PCDHGA5: variants seen among roughly 807,000 people sequenced by gnomAD.
PCDHGA5 encodes the protein protocadherin gamma subfamily A, 5, also known as protocadherin gamma-A5.
PCDHGA5 carries 36 observed loss-of-function variants against 56.7 expected under a neutral mutation model. The observed-to-expected ratio is 0.64, with a 90% confidence interval of 0.49 to 0.84. PCDHGA5 has a LOEUF of 0.84. Ranked by LOEUF, PCDHGA5 falls within the 40% of genes least tolerant of loss-of-function variation. The pLI is 0.00. For synonymous variants in PCDHGA5, 563 were observed against 520.2 expected, an observed-to-expected ratio of 1.08 and a Z score of -1.12; for missense variants, 1,305 against 1,201.5, an observed-to-expected ratio of 1.09 and a Z score of -1.27.
intron 1 of PCDHGA5, chr5:141,387,595 A>C (rs191053839): frequency 6.0e-5 from 32 of 532,776 alleles, no homozygotes; most frequent in Admixed American, 2.6e-4. Flanking sequence ...AACTTGAAGC[A>C]GCAGAGGCTG....
At chr5:141,482,530 CAAAAAAA>C (rs3074545) in intron 1 of PCDHGA5, among the ~76,000 whole-genome samples, 2 of 76,560 alleles carry the variant, frequency 2.6e-5, no homozygotes, top group South Asian at 4.6e-4. Flanking sequence ...GACAGACATG[CAAAAAAA>C]AAAAAAAAAA....
chr5:141,432,369 A>G lies in PCDHGA5; in HGVS notation c.2422-62438A>G. 6.2e-7 allele frequency: 1 copy of G among 1,614,222 alleles called. No homozygotes were observed. The highest frequency in any genetic ancestry group is 1.1e-5 in the South Asian group (1 of 91,084). ...CAAGTGAAAGTGATGGCGCGGGACA[A>G]CGGGCACCCGCCCCTCAGCAGCAAC... On this transcript the variant is annotated intron_variant, in intron 1 of 3. Coordinates refer to ENST00000518069, the MANE Select transcript of PCDHGA5 (RefSeq NM_018918.3). The surrounding 1 kb of genome is among the most constrained non-coding windows in gnomAD (Gnocchi z 6.0).
chr5:141,408,909 A>G lies in PCDHGA5; in HGVS notation c.2421+42158A>G, dbSNP rs746399377. On this transcript the variant is annotated intron_variant, in intron 1 of 3. Transcript: ENST00000518069. ...ATAGAAATTTCTGTCAAGGATACCA[A>G]TGATAACCCCCCGGTTTTCAGCAGA... 1.3e-5 allele frequency: 21 copies of G among 1,613,442 alleles called. No individual in the cohort carries two copies. In the East Asian group the frequency reaches 2.5e-4, roughly 19 times the overall value.
Position 141,371,593 on chromosome 5 carries a change from A to C in PCDHGA5, c.2421+4842A>C, listed in dbSNP as rs758082937. The C allele has an allele frequency of 1.2e-6, 2 of 1,613,972 alleles. No individual in the cohort carries two copies. The highest frequency in any genetic ancestry group is 1.7e-6 in the Non-Finnish European group (2 of 1,179,876). The stretch of plus-strand genomic sequence containing the variant: ...TTTAAAATCGTTCAAGATACCAAAA[A>C]CACATACAGGTTGGTGACAGATGGA... On this transcript the variant is annotated intron_variant, in intron 1 of 3. Coordinates refer to ENST00000518069, the MANE Select transcript of PCDHGA5 (RefSeq NM_018918.3).
chr5:141,505,590 A>G, intron 3 of PCDHGA5, 109 bp downstream of exon 3: 1 of 1,571,996 alleles, frequency 6.4e-7, no homozygotes, highest in East Asian at 2.3e-5. Context: ...TAGTTTCTCC[A>G]GATCTTTCGG....
At chr5:141,426,955 C>T (rs1380917458) in intron 1 of PCDHGA5, 3 of 456,658 alleles carry the variant, frequency 6.6e-6, no homozygotes, top group South Asian at 1.5e-5. Flanking sequence ...ACTGGCACTG[C>T]TGCAATTCAA....
intron 1 of PCDHGA5, chr5:141,384,805 G>T (rs1314252403): frequency 6.2e-7 from 1 of 1,613,506 alleles, no homozygotes; most frequent in Admixed American, 1.7e-5. Context: ...GCTGGACAGA[G>T]ATGCCCTCAA....
chr5:141,447,824 G>T (rs926580893), intron 1 of PCDHGA5, among the ~76,000 whole-genome samples: 2 of 152,034 alleles, frequency 1.3e-5, no homozygotes, highest in Non-Finnish European at 2.9e-5. Context: ...GGTGGCTCAC[G>T]CCTGTAATCC....
rs781026604 is a variant in PCDHGA5, at chr5:141,490,471, C to A, written c.2422-4336C>A. The A allele has an allele frequency of 6.2e-7, 1 of 1,614,214 alleles. No individual in the cohort carries two copies. The highest frequency in any genetic ancestry group is 1.1e-5 in the South Asian group (1 of 91,088). On this transcript the variant is annotated intron_variant, in intron 1 of 3. Transcript: ENST00000518069. This position sits in a 1 kb window ranked among gnomAD's most constrained non-coding sequence, Gnocchi z 5.4. ...CCACTACTCGCTGCTAACCAGCCAGCCTTTGGACCGGGAGGCCACATCCCA... is the reference window on the plus strand; with the variant it reads ...CCACTACTCGCTGCTAACCAGCCAGACTTTGGACCGGGAGGCCACATCCCA...
intron 2 of PCDHGA5, among the ~76,000 whole-genome samples, chr5:141,501,057 C>T (rs185929124): frequency 9.7e-4 from 147 of 151,960 alleles, no homozygotes; most frequent in African/African-American, 3.4e-3. Context: ...TTAGTAGAGA[C>T]GGGGTTTCAC....
chr5:141,403,582 G>A (rs973617374), intron 1 of PCDHGA5: 1 of 1,613,910 alleles, frequency 6.2e-7, no homozygotes, highest in Non-Finnish European at 8.5e-7. Flanking sequence ...CCCACCACCT[G>A]GTCCTCACGG....
intron 1 of PCDHGA5, chr5:141,426,796 T>C (rs1053668481): frequency 8.8e-6 from 4 of 456,720 alleles, no homozygotes. Context: ...AGTTACCAGC[T>C]CAGTTCTAAT....
intron 1 of PCDHGA5, chr5:141,422,988 C>T: frequency 6.2e-7 from 1 of 1,614,232 alleles, no homozygotes; most frequent in Non-Finnish European, 8.5e-7. Context: ...AACCTGGCTA[C>T]CTGGTGACCA....
At chr5:141,497,742 T>C (rs2099779149) in intron 2 of PCDHGA5, among the ~76,000 whole-genome samples, 1 of 152,128 alleles carries the variant, frequency 6.6e-6, no homozygotes, top group South Asian at 2.1e-4. Context: ...TTTCGCCACG[T>C]TGGCCAGGCT....
At chr5:141,411,556 C>A (rs2095498108) in intron 1 of PCDHGA5, 1 of 152,200 alleles carries the variant, frequency 6.6e-6, no homozygotes, top group Non-Finnish European at 1.5e-5. Context: ...TGCACTCCAG[C>A]CTGGGCGACA....
rs368231432 is a variant in PCDHGA5 at position 141,374,734 on chromosome 5, C to T, written c.2421+7983C>T. On this transcript the variant is annotated intron_variant, in intron 1 of 3. Coordinates refer to ENST00000518069, the MANE Select transcript of PCDHGA5 (RefSeq NM_018918.3). ...GCCTGGTCCTTACTGCCATGGATGGCGGCGACCCTGTCCGCTCAAGCGTCG... is the reference window on the plus strand; with the variant it reads ...GCCTGGTCCTTACTGCCATGGATGGTGGCGACCCTGTCCGCTCAAGCGTCG... 43 of 1,610,046 alleles carry T rather than the reference C, an allele frequency of 2.7e-5. 2 individuals are homozygous for T. In the South Asian group the frequency reaches 4.2e-4, roughly 16 times the overall value.
chr5:141,423,260 G>A (rs1402237346), intron 1 of PCDHGA5: 2 of 1,613,996 alleles, frequency 1.2e-6, no homozygotes, highest in South Asian at 1.1e-5. Flanking sequence ...GACCTCGGCA[G>A]CCTCGAGTCT....
intron 1 of PCDHGA5, among the ~76,000 whole-genome samples, chr5:141,373,021 T>C (rs2150016771): frequency 6.6e-6 from 1 of 152,328 alleles, no homozygotes; most frequent in Non-Finnish European, 1.5e-5. Flanking sequence ...CTTTTGATAG[T>C]CTTGAAACTT....
Position 141,447,048 on chromosome 5 carries a change from A to G in PCDHGA5, c.2422-47759A>G, listed in dbSNP as rs149112101. Among the ~76,000 whole-genome samples, 216 of 152,182 alleles carry G rather than the reference A, an allele frequency of 1.4e-3. 1 individual carries two copies. Among genetic ancestry groups the G allele is most frequent in the African/African-American group, 4.8e-3 (198 of 41,512 alleles). On this transcript the variant is annotated intron_variant, in intron 1 of 3. Transcript: ENST00000518069. ...GTTTTTTTTCTGTGTCTGGAATTCT[A>G]TTAAAATGTGTCAGGCTGTTTTAAT...
Sources: allele counts gnomAD v4.1 joint callset (sites outside exome capture counted in the v4.1 genomes callset), GRCh38; gene constraint gnomAD v4.1.1; non-coding constraint Gnocchi (gnomAD v3.1); transcripts MANE v1.5; gene names NCBI Gene and HGNC (gene_info 2026-07-23, HGNC 2026-07-21).